Variants in P2RY6 observed in about 807,000 individuals in gnomAD.
The protein encoded by P2RY6 is pyrimidinergic receptor P2Y6.
A neutral mutation model predicts 16.3 loss-of-function variants in P2RY6; 19 were observed. The observed-to-expected ratio is 1.16, with a 90% CI of 0.81 to 1.71. P2RY6 has a LOEUF of 1.71. Ranked by LOEUF, P2RY6 falls within the 40% of genes most tolerant of loss-of-function variation. P2RY6 has a pLI of 0.00. For missense variants in P2RY6, 389 were observed against 455.5 expected (o/e 0.85, Z 1.33); for synonymous variants, 184 against 201.5 (o/e 0.91, Z 0.74).
intron 1 of P2RY6, chr11:73,264,688 C>T: frequency 6.6e-6 from 1 of 152,624 alleles, no homozygotes; most frequent in Non-Finnish European, 1.5e-5. Context: ...GTAAGGGGTG[C>T]CGGGGCGCGG....
chr11:73,267,029 T>C (rs1391382352), intron 1 of P2RY6, among the ~76,000 whole-genome samples: 1 of 152,236 alleles, frequency 6.6e-6, no homozygotes, highest in Non-Finnish European at 1.5e-5. Flanking sequence ...CTGGCTATAA[T>C]TGTTTATAAT....
intron 1 of P2RY6, among the ~76,000 whole-genome samples, chr11:73,289,869 A>T (rs1864128189): frequency 6.6e-6 from 1 of 151,858 alleles, no homozygotes; most frequent in Admixed American, 6.6e-5. Flanking sequence ...GGAATAATCC[A>T]CCCCCCACCA....
chr11:73,290,294 GAAAGAAAGA>G (rs1170782857), intron 1 of P2RY6, among the ~76,000 whole-genome samples: 15 of 123,826 alleles, frequency 1.2e-4, no homozygotes, highest in South Asian at 2.5e-4. Flanking sequence ...AAGAAAGAAA[GAAAGAAAGA>G]AAAGAAAGAA....
intron 1 of P2RY6, among the ~76,000 whole-genome samples, chr11:73,279,922 T>C (rs1863688319): frequency 6.6e-6 from 1 of 152,186 alleles, no homozygotes; most frequent in South Asian, 2.1e-4. Context: ...GAAGCTCTGC[T>C]TAGAAGGGTG....
At position 73,297,019 on chromosome 11, in the gene P2RY6, C is replaced by T; in HGVS notation, c.501C>T (p.Ala167=). The change falls in exon 3 of 3, where the codon GCC becomes GCT. Residue 167 remains alanine (A), a synonymous_variant. Coordinates refer to ENST00000540124, the MANE Select transcript of P2RY6 (RefSeq NM_001277204.2). ...TQCLPTAIFA[A]TGIQRNRTVC... is the part of the protein sequence containing the mutation. Reference sequence around the variant, plus strand: ...GCCTGCCCACAGCCATCTTCGCTGCCACAGGCATCCAGCGTAACCGCACTG... The same window carrying T: ...GCCTGCCCACAGCCATCTTCGCTGCTACAGGCATCCAGCGTAACCGCACTG... 1.2e-6 allele frequency: 2 copies of T among 1,600,856 alleles called. No individual in the cohort carries two copies. The highest frequency in any genetic ancestry group is 4.5e-5 in the East Asian group (2 of 44,888).
intron 1 of P2RY6, among the ~76,000 whole-genome samples, chr11:73,289,631 C>G (rs559153020): frequency 1.3e-5 from 2 of 152,374 alleles, no homozygotes; most frequent in South Asian, 2.1e-4. Context: ...CGGAACGGGG[C>G]TGGCTGTCCT....
chr11:73,292,831 G>T, intron 1 of P2RY6: 1 of 985,364 alleles, frequency 1.0e-6, no homozygotes, highest in Non-Finnish European at 1.2e-6. Flanking sequence ...GCCTAGCTGA[G>T]GGCAGGAGAG....
intron 1 of P2RY6, among the ~76,000 whole-genome samples, chr11:73,285,395 A>T (rs1305525426): frequency 6.6e-6 from 1 of 152,044 alleles, no homozygotes; most frequent in African/African-American, 2.4e-5. Flanking sequence ...CTTCATGCAC[A>T]CTCCACAGCA....
chr11:73,284,847 C>G lies in P2RY6; in HGVS notation c.-120-10883C>G, dbSNP rs148228283. Among the ~76,000 whole-genome samples the G allele has an allele frequency of 2.0e-3, 310 of 152,218 alleles. 2 individuals are homozygous for G. The highest frequency in any genetic ancestry group is 7.3e-3 in the African/African-American group (302 of 41,534). The stretch of plus-strand genomic sequence containing the variant: ...GAAAAAAAAACACGAAAACCCCTGC[C>G]CTGGTGGAGTTTATGTTCAGTCATG... On this transcript the variant is annotated intron_variant, in intron 1 of 2. Transcript: ENST00000540124.
chr11:73,274,159 G>C (rs551268325), intron 1 of P2RY6, among the ~76,000 whole-genome samples: 3 of 152,206 alleles, frequency 2.0e-5, no homozygotes, highest in Non-Finnish European at 4.4e-5. Flanking sequence ...ATGGAGGCTT[G>C]TTGAAGGGAA....
At chr11:73,278,864 G>T (rs1302198093) in intron 1 of P2RY6, among the ~76,000 whole-genome samples, 1 of 152,080 alleles carries the variant, frequency 6.6e-6, no homozygotes, top group Non-Finnish European at 1.5e-5. Flanking sequence ...CTTGCCTTCA[G>T]TTCTTTTGGT....
At chr11:73,277,918 G>C (rs933961338) in intron 1 of P2RY6, among the ~76,000 whole-genome samples, 27 of 152,192 alleles carry the variant, frequency 1.8e-4, no homozygotes, top group African/African-American at 5.8e-4. Flanking sequence ...GCAGAAATCT[G>C]AGTGGCCCTT....
At chr11:73,274,752 G>A (rs903551815) in intron 1 of P2RY6, among the ~76,000 whole-genome samples, 6 of 152,162 alleles carry the variant, frequency 3.9e-5, no homozygotes, top group African/African-American at 1.2e-4. Context: ...AGAGTGAGTC[G>A]GCAGAACCTG....
intron 1 of P2RY6, among the ~76,000 whole-genome samples, chr11:73,278,105 T>C (rs1017539895): frequency 4.6e-5 from 7 of 152,240 alleles, no homozygotes; most frequent in African/African-American, 1.7e-4. Flanking sequence ...ACGCACATTG[T>C]TGTGCAGCCA....
At chr11:73,275,964 A>G (rs1312480867) in intron 1 of P2RY6, among the ~76,000 whole-genome samples, 3 of 152,226 alleles carry the variant, frequency 2.0e-5, no homozygotes, top group African/African-American at 7.2e-5. Flanking sequence ...TCAGAGAGTT[A>G]AATAACTTGC....
At chr11:73,279,073 T>A (rs1863655289) in intron 1 of P2RY6, among the ~76,000 whole-genome samples, 1 of 151,744 alleles carries the variant, frequency 6.6e-6, no homozygotes, top group South Asian at 2.1e-4. Flanking sequence ...ATAGCCATCC[T>A]AATGGGTGTG....
chr11:73,268,232 T>A (rs1489763226), upstream of P2RY6, among the ~76,000 whole-genome samples: 1 of 152,214 alleles, frequency 6.6e-6, no homozygotes, highest in Admixed American at 6.5e-5. Context: ...GGCCTCTCTG[T>A]GGTTTCCTAT....
Position 73,297,772 on chromosome 11 carries a change from T to G in P2RY6, c.*267T>G. The stretch of plus-strand genomic sequence containing the variant: ...GAGAGCTGGGGAAACCACATTAAGG[T>G]GCTCACAAAAATACAGTGTGACGTG... On this transcript the variant is annotated 3_prime_UTR_variant, in exon 3 of 3. Transcript: ENST00000540124. 1 of 510,384 alleles carries G rather than the reference T, an allele frequency of 2.0e-6. No homozygotes were observed. The highest frequency in any genetic ancestry group is 3.6e-6 in the Non-Finnish European group (1 of 277,534). 31.6% of individuals were successfully genotyped at this position (510,384 alleles called of 1,614,324 possible). A position where few individuals can be genotyped will look rare whatever the true frequency, so the allele number is the denominator to read the frequency against.
chr11:73,296,097 G>A (rs1172317702), intron 2 of P2RY6, among the ~76,000 whole-genome samples: 1 of 151,808 alleles, frequency 6.6e-6, no homozygotes, highest in African/African-American at 2.4e-5. Context: ...ACCACCTCAA[G>A]GTCATATAGC....
Sources: allele counts gnomAD v4.1 joint callset (sites outside exome capture counted in the v4.1 genomes callset), GRCh38; gene constraint gnomAD v4.1.1; transcripts MANE v1.5; gene names NCBI Gene and HGNC (gene_info 2026-07-23, HGNC 2026-07-21).